The following NR3C2 variants were observed in gnomAD, a reference collection of about 807,000 sequenced individuals.
NR3C2 encodes nuclear receptor subfamily 3 group C member 2.
In NR3C2, 15 loss-of-function variants were observed where a neutral mutation model predicts 86.4. The ratio of observed to expected loss-of-function variants is 0.17; its 90% CI spans 0.12 to 0.27. The LOEUF is 0.27. Among genes scored for constraint, NR3C2 ranks in the 10% least tolerant of loss-of-function variants. The pLI is 1.00. For missense variants in NR3C2, 960 were observed against 1,195.6 expected (o/e 0.80, Z 2.91); for synonymous variants, 458 against 450.5 (o/e 1.02, Z -0.21).
intron 6 of NR3C2, among the ~76,000 whole-genome samples, chr4:148,150,071 C>G (rs2149762398): frequency 6.6e-6 from 1 of 152,254 alleles, no homozygotes; most frequent in South Asian, 2.1e-4. Context: ...AAAGCAGCAT[C>G]TCAAAGATAT....
intron 2 of NR3C2, among the ~76,000 whole-genome samples, chr4:148,388,799 A>T (rs554700667): frequency 6.6e-6 from 1 of 152,160 alleles, no homozygotes; most frequent in Non-Finnish European, 1.5e-5. Context: ...CTTTAGTCGC[A>T]AGGCTTGCAG....
Position 148,405,163 on chromosome 4 carries a change from C to A in NR3C2, c.1757+29941G>T, listed in dbSNP as rs899919576. 8.5e-5 allele frequency among the ~76,000 whole-genome samples: 13 copies of A among 152,250 alleles called. 1 individual carries two copies. The highest frequency in any genetic ancestry group is 3.1e-4 in the African/African-American group (13 of 41,564). On this transcript the variant is annotated intron_variant, in intron 2 of 8. Transcript: ENST00000358102. ...GCCAATCGATGGAAATAGATCATAA[C>A]AATGACAATTTGACATGTTATATGT...
chr4:148,429,100 A>C (rs1314672473), intron 2 of NR3C2, among the ~76,000 whole-genome samples: 1 of 151,922 alleles, frequency 6.6e-6, no homozygotes, highest in Non-Finnish European at 1.5e-5. Flanking sequence ...GTAAGTACCC[A>C]CTACCCACTC....
At chr4:148,254,926 C>T (rs909181308) in intron 3 of NR3C2, among the ~76,000 whole-genome samples, 3 of 152,018 alleles carry the variant, frequency 2.0e-5, no homozygotes, top group African/African-American at 7.2e-5. Context: ...AAATTATTCC[C>T]CCTACTTTAT....
rs150907250 is a variant in NR3C2, at chr4:148,370,041, G to A, written c.1757+65063C>T. 5.3e-5 allele frequency among the ~76,000 whole-genome samples: 8 copies of A among 152,338 alleles called. No individual in the cohort carries two copies. In the East Asian group the frequency reaches 1.5e-3, roughly 29 times the overall value. The stretch of plus-strand genomic sequence containing the variant: ...ATGCAGCCAGCCCATCCACAGGAAG[G>A]CATGCACTTTGAAGTGTTTTTCTAG... On this transcript the variant is annotated intron_variant, in intron 2 of 8. Coordinates refer to ENST00000358102, the MANE Select transcript of NR3C2 (RefSeq NM_000901.5).
chr4:148,124,705 A>C (rs1732666229), intron 6 of NR3C2, among the ~76,000 whole-genome samples: 2 of 152,086 alleles, frequency 1.3e-5, no homozygotes, highest in South Asian at 4.1e-4. Flanking sequence ...TTTCCTTTTT[A>C]AACTCCATTT....
chr4:148,284,922 A>C (rs1182258421), intron 2 of NR3C2, among the ~76,000 whole-genome samples: 1 of 152,212 alleles, frequency 6.6e-6, no homozygotes, highest in Non-Finnish European at 1.5e-5. Flanking sequence ...CATATACAAA[A>C]AACTCAGGCT....
chr4:148,215,574 T>C (rs1737490904), intron 3 of NR3C2, among the ~76,000 whole-genome samples: 1 of 152,140 alleles, frequency 6.6e-6, no homozygotes, highest in African/African-American at 2.4e-5. Context: ...GAGGTTAAAA[T>C]AGCTATTGAA....
intron 3 of NR3C2, among the ~76,000 whole-genome samples, chr4:148,234,815 T>C (rs921774183): frequency 2.0e-5 from 3 of 152,190 alleles, no homozygotes; most frequent in Admixed American, 2.0e-4. Context: ...TCTATTTTCT[T>C]ATTTTTTAAC....
intron 2 of NR3C2, among the ~76,000 whole-genome samples, chr4:148,356,899 CTGTGTGTG>C (rs67285458): frequency 6.4e-4 from 95 of 149,074 alleles, no homozygotes; most frequent in African/African-American, 1.6e-3. Context: ...CTAAGCACGA[CTGTGTGTG>C]TGTGTGTGTG....
intron 3 of NR3C2, among the ~76,000 whole-genome samples, chr4:148,205,282 T>C (rs72653869): frequency 6.6e-6 from 1 of 152,244 alleles, no homozygotes; most frequent in African/African-American, 2.4e-5. Context: ...TTTTGCCACA[T>C]GCACAAATAT....
chr4:148,282,170 C>T (rs1366403728), intron 2 of NR3C2, among the ~76,000 whole-genome samples: 1 of 152,166 alleles, frequency 6.6e-6, no homozygotes, highest in Non-Finnish European at 1.5e-5. Flanking sequence ...GCTGGGACTA[C>T]AGGCGTGCAC....
intron 3 of NR3C2, among the ~76,000 whole-genome samples, chr4:148,237,977 A>G (rs1297098096): frequency 6.6e-6 from 1 of 152,192 alleles, no homozygotes; most frequent in Non-Finnish European, 1.5e-5. Flanking sequence ...CCCAAATGAG[A>G]AACCTCAATA....
At chr4:148,299,254 G>A (rs1255389046) in intron 2 of NR3C2, among the ~76,000 whole-genome samples, 1 of 152,102 alleles carries the variant, frequency 6.6e-6, no homozygotes. Flanking sequence ...GCCTGTACGG[G>A]GACATGAGGA....
chr4:148,268,404 C>T (rs1175632797), intron 2 of NR3C2, among the ~76,000 whole-genome samples: 1 of 152,100 alleles, frequency 6.6e-6, no homozygotes, highest in Non-Finnish European at 1.5e-5. Flanking sequence ...AAGGTTCATC[C>T]TCTCAAGCCA....
intron 2 of NR3C2, among the ~76,000 whole-genome samples, chr4:148,394,600 G>A (rs1747764688): frequency 6.6e-6 from 1 of 152,144 alleles, no homozygotes; most frequent in Non-Finnish European, 1.5e-5. Flanking sequence ...GCTAAGGTGG[G>A]AGGATCACTT....
At chr4:148,085,449 G>A (rs979026879) in intron 8 of NR3C2, among the ~76,000 whole-genome samples, 13 of 152,174 alleles carry the variant, frequency 8.5e-5, no homozygotes, top group African/African-American at 3.1e-4. Context: ...ACCAATGAGA[G>A]CAAAGACACA....
chr4:148,398,755 C>A (rs1473493769), intron 2 of NR3C2, among the ~76,000 whole-genome samples: 1 of 152,184 alleles, frequency 6.6e-6, no homozygotes, highest in African/African-American at 2.4e-5. Flanking sequence ...ATGGAGCTTA[C>A]ATTCTAGTAG....
At chr4:148,434,746 C>T (rs903344646) in intron 2 of NR3C2, among the ~76,000 whole-genome samples, 5 of 151,948 alleles carry the variant, frequency 3.3e-5, no homozygotes, top group South Asian at 2.1e-4. Flanking sequence ...TTTAGTAAAC[C>T]GGCAAACAGC....
Sources: allele counts gnomAD v4.1 joint callset (sites outside exome capture counted in the v4.1 genomes callset), GRCh38; gene constraint gnomAD v4.1.1; transcripts MANE v1.5; gene names NCBI Gene and HGNC (gene_info 2026-07-23, HGNC 2026-07-21).